NAV1: variants seen among roughly 807,000 people sequenced by gnomAD.
The protein encoded by NAV1 is neuron navigator 1.
A neutral mutation model predicts 175.2 loss-of-function variants in NAV1; 18 were observed. The observed-to-expected ratio is 0.10, with a 90% CI of 0.07 to 0.15. NAV1 has a LOEUF of 0.15. NAV1 is among the 10% of genes least tolerant of loss of function. The pLI, the probability that NAV1 is intolerant of heterozygous loss-of-function variation, is 1.00. For synonymous variants in NAV1, 897 were observed against 978.7 expected (o/e 0.92, Z 1.56); for missense variants, 1,731 against 2,436.6 (o/e 0.71, Z 6.10).
At chr1:201,689,801 G>T (rs148721535) in intron 1 of NAV1, among the ~76,000 whole-genome samples, 1 of 152,192 alleles carries the variant, frequency 6.6e-6, no homozygotes, top group East Asian at 1.9e-4. Context: ...GGGGGAGTGC[G>T]GTGGAAGCTC....
At chr1:201,723,970 C>T (rs1483874281) in intron 3 of NAV1, 2 of 152,124 alleles carry the variant, frequency 1.3e-5, no homozygotes, top group African/African-American at 4.8e-5. Context: ...GAAAAAGTCC[C>T]TAGCTTATTT....
chr1:201,719,850 A>G (rs1392015458), intron 3 of NAV1, among the ~76,000 whole-genome samples: 1 of 151,940 alleles, frequency 6.6e-6, no homozygotes, highest in Non-Finnish European at 1.5e-5. Flanking sequence ...ACTTCAAGGG[A>G]GTGGAAAGTA....
Position 201,804,969 on chromosome 1 carries a change from G to C in NAV1, c.3648+472G>C, listed in dbSNP as rs116453036. Among the ~76,000 whole-genome samples, 317 of 152,286 alleles carry C rather than the reference G, an allele frequency of 2.1e-3. 5 individuals carry two copies. Among genetic ancestry groups the C allele is most frequent in the African/African-American group, 7.4e-3 (308 of 41,548 alleles). ...TGAAGATTTAGCTCTAGAGTAGGATGAACCAGAGATAGGTGAGGGATAGAG... is the reference window on the plus strand; with the variant it reads ...TGAAGATTTAGCTCTAGAGTAGGATCAACCAGAGATAGGTGAGGGATAGAG... On this transcript the variant is annotated intron_variant, in intron 17 of 29. Coordinates refer to ENST00000367296, the Ensembl canonical transcript of NAV1.
intron 3 of NAV1, among the ~76,000 whole-genome samples, chr1:201,776,144 T>C (rs1288035674): frequency 6.6e-6 from 1 of 151,970 alleles, no homozygotes; most frequent in African/African-American, 2.4e-5. Flanking sequence ...TGTGTGTACC[T>C]ATATATGTAT....
chr1:201,785,149 C>T (rs1290494544), intron 7 of NAV1, among the ~76,000 whole-genome samples, 161 bp from the exon 12 acceptor site: 1 of 152,118 alleles, frequency 6.6e-6, no homozygotes, highest in Non-Finnish European at 1.5e-5. Flanking sequence ...AAGAAGCAGG[C>T]TATAGTATCT....
chr1:201,619,008 G>A (rs763897641), upstream of NAV1, among the ~76,000 whole-genome samples: 1 of 152,060 alleles, frequency 6.6e-6, no homozygotes, highest in Non-Finnish European at 1.5e-5. Flanking sequence ...GCTCCCACCT[G>A]GGGGCAATCC....
intron 2 of NAV1, among the ~76,000 whole-genome samples, chr1:201,643,098 T>C (rs924616902): frequency 7.1e-6 from 1 of 141,620 alleles, no homozygotes; most frequent in Non-Finnish European, 1.5e-5. Context: ...TTTCTTTTTC[T>C]CTTTCTTTCT....
intron 2 of NAV1, among the ~76,000 whole-genome samples, chr1:201,593,176 C>G (rs942013321): frequency 2.0e-5 from 3 of 152,192 alleles, no homozygotes; most frequent in Non-Finnish European, 4.4e-5. Context: ...GGTATTCAAT[C>G]ATGGCTGCCG....
chr1:201,714,203 G>A (rs755804664), intron 2 of NAV1, among the ~76,000 whole-genome samples: 35 of 152,294 alleles, frequency 2.3e-4, no homozygotes, highest in Non-Finnish European at 4.0e-4. Context: ...GAGCCACCGC[G>A]CCCGGCCAAC....
chr1:201,817,171 A>G, exon 29 of NAV1: 1 of 1,614,084 alleles, frequency 6.2e-7, no homozygotes. Context: ...AACAAGACCA[A>G]TCAAAGCTGT....
chr1:201,588,830 T>C (rs1225618184), intron 2 of NAV1, among the ~76,000 whole-genome samples, 181 bp downstream of exon 2: 1 of 152,094 alleles, frequency 6.6e-6, no homozygotes, highest in Non-Finnish European at 1.5e-5. Context: ...AAATCAATTG[T>C]ACAATTTAAA....
chr1:201,783,922 T>C (rs1274062581), intron 7 of NAV1, 70 bp downstream of exon 11: 18 of 1,381,498 alleles, frequency 1.3e-5, no homozygotes, highest in Middle Eastern at 2.2e-4. Flanking sequence ...TTGGCAATAC[T>C]ATCCTATATT....
chr1:201,687,663 G>A (rs995623395), intron 1 of NAV1, among the ~76,000 whole-genome samples: 7 of 152,194 alleles, frequency 4.6e-5, no homozygotes, highest in Non-Finnish European at 5.9e-5. Flanking sequence ...TCATGGTAGA[G>A]CCAAGACGCC....
At chr1:201,781,405 A>T (rs546678732) in intron 5 of NAV1, 96 bp downstream of exon 9, 1 of 1,232,540 alleles carries the variant, frequency 8.1e-7, no homozygotes, top group East Asian at 2.5e-5. Flanking sequence ...GATAGCAAAC[A>T]TTTGCATAGT....
At chr1:201,640,831 T>A (rs896730396) in intron 2 of NAV1, among the ~76,000 whole-genome samples, 1 of 152,250 alleles carries the variant, frequency 6.6e-6, no homozygotes, top group African/African-American at 2.4e-5. Flanking sequence ...ATTCATTCAT[T>A]TAATCAATCG....
At chr1:201,711,150 C>T (rs1671889254) in intron 1 of NAV1, among the ~76,000 whole-genome samples, 1 of 152,224 alleles carries the variant, frequency 6.6e-6, no homozygotes, top group South Asian at 2.1e-4. Context: ...GGAAGTGATG[C>T]CAGGACTGGG....
In NAV1 at chr1:201,672,871, G is replaced by A. The variant is rs538299142; in HGVS notation, c.757+23446G>A. Among the ~76,000 whole-genome samples, 112 of 152,302 alleles carry A rather than the reference G, an allele frequency of 7.4e-4. 1 individual carries two copies. In the South Asian group the frequency reaches 0.011, roughly 15 times the overall value. On this transcript the variant is annotated intron_variant, in intron 1 of 29. Coordinates refer to ENST00000367296, the Ensembl canonical transcript of NAV1. ...TCTGAGAACTTACCGCCCAACAGACGCTCAAGCTCGACTGCCCTGTGGACG... is the reference window on the plus strand; with the variant it reads ...TCTGAGAACTTACCGCCCAACAGACACTCAAGCTCGACTGCCCTGTGGACG...
intron 1 of NAV1, chr1:201,673,937 G>C (rs1236721040): frequency 6.6e-6 from 1 of 152,298 alleles, no homozygotes; most frequent in Non-Finnish European, 1.5e-5. Context: ...TTCATCTGAA[G>C]GTAGGGCCCA....
intron 3 of NAV1, among the ~76,000 whole-genome samples, chr1:201,755,175 A>C (rs1302077107): frequency 6.6e-6 from 1 of 152,250 alleles, no homozygotes; most frequent in Non-Finnish European, 1.5e-5. Context: ...ATACTCTCTT[A>C]TCTCTAAAAT....
Sources: gnomAD v4.1 joint callset for allele counts (sites outside exome capture counted in the v4.1 genomes callset) on GRCh38, gnomAD v4.1.1 for gene constraint, MANE v1.5 for transcripts, NCBI Gene and HGNC (gene_info 2026-07-23, HGNC 2026-07-21) for gene names.